CPAMD8: variants seen among roughly 807,000 people sequenced by gnomAD.
CPAMD8 encodes the protein C3 and PZP like alpha-2-macroglobulin domain containing 8.
In CPAMD8, 146 loss-of-function variants were observed where a neutral mutation model predicts 224.7. That is an observed-to-expected ratio of 0.65 (90% CI 0.57 to 0.75). The LOEUF (loss-of-function observed/expected upper bound fraction) is 0.75. Ranked by LOEUF, CPAMD8 falls within the 30% of genes least tolerant of loss-of-function variation. The probability of loss-of-function intolerance (pLI) is 0.00; values close to 1 mark genes in which losing one functional copy is unlikely to be tolerated. For missense variants in CPAMD8, 2,301 were observed against 2,537.5 expected (o/e 0.91, Z 2.00); for synonymous variants, 966 against 1,044.6 (o/e 0.92, Z 1.45).
At chr19:16,958,378 T>C (rs749127533) in intron 18 of CPAMD8, among the ~76,000 whole-genome samples, 1 of 152,222 alleles carries the variant, frequency 6.6e-6, no homozygotes, top group African/African-American at 2.4e-5. Flanking sequence ...AGTATTTGGT[T>C]TTCTGTTCCT....
rs762726911 is a variant in CPAMD8, at chr19:16,897,870, T to C, written c.4954+19A>G. On this transcript the variant is annotated intron_variant, in intron 38 of 41. Transcript: ENST00000443236. ...GTCAGGGACCGGGCCGGGCCGGGGG[T>C]GCGGGCGCGCGGGCCTACCGGGTTC... is the stretch of plus-strand genomic sequence containing the variant. 1 of 1,591,744 alleles carries C rather than the reference T, an allele frequency of 6.3e-7. No individual in the cohort carries two copies. The highest frequency in any genetic ancestry group is 8.5e-7 in the Non-Finnish European group (1 of 1,170,016).
At chr19:16,924,965 A>G (rs150505645) in intron 26 of CPAMD8, among the ~76,000 whole-genome samples, 221 of 152,334 alleles carry the variant, frequency 1.5e-3, no homozygotes, top group African/African-American at 4.7e-3. Context: ...CTTTAAAAAG[A>G]TGCTTTTCCT....
chr19:16,929,381 C>T, intron 23 of CPAMD8, 141 bp from the exon 24 acceptor site: 1 of 665,532 alleles, frequency 1.5e-6, no homozygotes, highest in Non-Finnish European at 2.6e-6. Flanking sequence ...ATGGTGTTGG[C>T]CTAACAATGG....
intron 15 of CPAMD8, among the ~76,000 whole-genome samples, chr19:16,976,794 C>A (rs951042853): frequency 2.0e-5 from 3 of 151,972 alleles, no homozygotes; most frequent in African/African-American, 7.3e-5. Context: ...GTAATCCCAG[C>A]ACTTCGGGAG....
At chr19:16,963,753 T>A (rs1305140953) in intron 18 of CPAMD8, among the ~76,000 whole-genome samples, 3 of 152,110 alleles carry the variant, frequency 2.0e-5, no homozygotes, top group Non-Finnish European at 2.9e-5. Flanking sequence ...CTTCTCAGCA[T>A]CACATCACAC....
chr19:16,898,145 T>A lies in CPAMD8; in HGVS notation c.4849-151A>T. The A allele has an allele frequency of 6.2e-6, 1 of 162,046 alleles. No homozygotes were observed. The highest frequency in any genetic ancestry group is 1.2e-5 in the Non-Finnish European group (1 of 83,742). 10.0% of individuals were successfully genotyped at this position (162,046 alleles called of 1,614,324 possible). A position where few individuals can be genotyped will look rare whatever the true frequency, so the allele number is the denominator to read the frequency against. Reference sequence around the variant, plus strand: ...ATTTTCTTTTTTTCTTTTACTTTTCTTTTTTTTTTTTTTTCCTGAGACAGA... The same window carrying A: ...ATTTTCTTTTTTTCTTTTACTTTTCATTTTTTTTTTTTTTCCTGAGACAGA... On this transcript the variant is annotated intron_variant, in intron 37 of 41. Coordinates refer to ENST00000443236, the MANE Select transcript of CPAMD8 (RefSeq NM_015692.5). The surrounding 1 kb of genome is among the most constrained non-coding windows in gnomAD (Gnocchi z 4.2).
At chr19:16,957,795 G>A (rs1194803295) in intron 19 of CPAMD8, 58 bp downstream of exon 19, 35 of 1,550,712 alleles carry the variant, frequency 2.3e-5, no homozygotes, top group South Asian at 1.5e-4. Context: ...CTCTGGACCC[G>A]CATGAGTGTC....
intron 21 of CPAMD8, 95 bp from the exon 22 acceptor site, chr19:16,945,774 T>G: frequency 2.7e-6 from 3 of 1,108,340 alleles, no homozygotes; most frequent in Non-Finnish European, 4.1e-6. Flanking sequence ...TGTGCATGCA[T>G]GCATGTGTGT....
chr19:16,934,829 T>C (rs1243865823), intron 23 of CPAMD8, among the ~76,000 whole-genome samples: 1 of 152,180 alleles, frequency 6.6e-6, no homozygotes, highest in Non-Finnish European at 1.5e-5. Flanking sequence ...AAATGTACCA[T>C]CTTAACCATT....
intron 17 of CPAMD8, among the ~76,000 whole-genome samples, chr19:16,972,749 C>G (rs1484399305): frequency 6.6e-6 from 1 of 152,154 alleles, no homozygotes; most frequent in African/African-American, 2.4e-5. Context: ...ATAAGAAATT[C>G]AAACCCAGTT....
chr19:16,971,538 C>T (rs2122647459), intron 17 of CPAMD8, among the ~76,000 whole-genome samples: 1 of 152,150 alleles, frequency 6.6e-6, no homozygotes, highest in East Asian at 1.9e-4. Context: ...CCAGAACAGG[C>T]AAATCCATAG....
At position 16,896,496 on chromosome 19, in the gene CPAMD8, G is replaced by C; in HGVS notation, c.5235C>G (p.Ala1745=). 7.0e-7 allele frequency: 1 copy of C among 1,429,010 alleles called. No individual in the cohort carries two copies. Among genetic ancestry groups the C allele is most frequent in the Non-Finnish European group, 9.1e-7 (1 of 1,102,698 alleles). 88.5% of individuals were successfully genotyped at this position (1,429,010 alleles called of 1,614,324 possible). A position where few individuals can be genotyped will look rare whatever the true frequency, so the allele number is the denominator to read the frequency against. Residue 1745 remains alanine (A), a synonymous_variant, in exon 40 of 42, where the codon GCC becomes GCG. Transcript: ENST00000443236. ...TGGGAGGCGCGGGCTCCAGGGGCGCGGCCTGGCGGCAGGCGGCCTCCCGCA... is the reference window on the plus strand; with the variant it reads ...TGGGAGGCGCGGGCTCCAGGGGCGCCGCCTGGCGGCAGGCGGCCTCCCGCA... The part of the protein sequence containing the change: ...CRLREAACRQ[A]APLEPAPPSC...
In CPAMD8 at chr19:16,899,276, C is replaced by A. The variant is rs957524973; in HGVS notation, c.4848+199G>T. ...CTCGCCATGTTGCCCAGGCTGGTCTCGAACCCCTGAGCTCAAGTGATCCTC... is the reference window on the plus strand; with the variant it reads ...CTCGCCATGTTGCCCAGGCTGGTCTAGAACCCCTGAGCTCAAGTGATCCTC... On this transcript the variant is annotated intron_variant, in intron 37 of 41. Transcript: ENST00000443236. This position sits in a 1 kb window ranked among gnomAD's most constrained non-coding sequence, Gnocchi z 5.4. Among the ~76,000 whole-genome samples, 4 of 152,092 alleles carry A rather than the reference C, an allele frequency of 2.6e-5. No individual in the cohort carries two copies. Among genetic ancestry groups the A allele is most frequent in the Non-Finnish European group, 5.9e-5 (4 of 68,020 alleles).
chr19:16,970,965 G>A lies in CPAMD8; in HGVS notation c.2139C>T (p.Thr713=), dbSNP rs755608743. Residue 713 remains threonine, a synonymous_variant, in exon 18 of 42, where the codon ACC becomes ACT. Coordinates refer to ENST00000443236, the MANE Select transcript of CPAMD8 (RefSeq NM_015692.5). ...LNHRQDGGLY[T]DEAVPAFQPH... ...GCTGGAAAGCGGGGACAGCCTCATC[G>A]GTGTAGAGGCCACCGTCCTGCCGGT... The A allele has an allele frequency of 2.3e-5, 37 of 1,613,364 alleles. No individual in the cohort carries two copies. In the Middle Eastern group the frequency reaches 4.9e-4, roughly 22 times the overall value.
chr19:16,962,472 C>A (rs2054689376), intron 18 of CPAMD8, among the ~76,000 whole-genome samples: 1 of 151,830 alleles, frequency 6.6e-6, no homozygotes, highest in Non-Finnish European at 1.5e-5. Flanking sequence ...TGAAATAAAG[C>A]AAAAAGACAA....
chr19:17,012,885 T>G (rs2056699253), intron 3 of CPAMD8, among the ~76,000 whole-genome samples: 2 of 152,180 alleles, frequency 1.3e-5, no homozygotes, highest in South Asian at 2.1e-4. Context: ...TGCCTCACTC[T>G]AAAATCGCAG....
rs547802786 is a variant in CPAMD8 at position 16,934,822 on chromosome 19, T to C, written c.2845+3573A>G. ...GTGGTAAAATATATATAACATAAAA[T>C]GTACCATCTTAACCATTTTTCAGGG... On this transcript the variant is annotated intron_variant, in intron 23 of 41. Coordinates refer to ENST00000443236, the MANE Select transcript of CPAMD8 (RefSeq NM_015692.5). 2.6e-5 allele frequency among the ~76,000 whole-genome samples: 4 copies of C among 152,308 alleles called. No individual in the cohort carries two copies. The East Asian group carries it at 5.8e-4, about 22-fold the overall frequency.
chr19:16,949,194 T>G (rs2122319847), intron 20 of CPAMD8, among the ~76,000 whole-genome samples: 1 of 152,052 alleles, frequency 6.6e-6, no homozygotes, highest in South Asian at 2.1e-4. Context: ...TTTCTCTGTC[T>G]TGGGGATGGT....
chr19:16,906,301 C>T (rs1021685109), intron 30 of CPAMD8, among the ~76,000 whole-genome samples: 4 of 143,788 alleles, frequency 2.8e-5, no homozygotes, highest in Non-Finnish European at 4.4e-5. Flanking sequence ...CCCTCCCTCC[C>T]TCTCTCTCTT....
Sources: allele counts gnomAD v4.1 joint callset (sites outside exome capture counted in the v4.1 genomes callset), GRCh38; gene constraint gnomAD v4.1.1; non-coding constraint Gnocchi (gnomAD v3.1); transcripts MANE v1.5; gene names NCBI Gene and HGNC (gene_info 2026-07-23, HGNC 2026-07-21).